The following GRID2 variants were observed in gnomAD, a reference collection of about 807,000 sequenced individuals.
GRID2 encodes glutamate receptor ionotropic, delta-2.
In GRID2, 33 loss-of-function variants were observed where a neutral mutation model predicts 114.8. The ratio of observed to expected loss-of-function variants is 0.29; its 90% confidence interval spans 0.22 to 0.38. The LOEUF (loss-of-function observed/expected upper bound fraction) is 0.38. Among genes scored for constraint, GRID2 ranks in the 10% least tolerant of loss-of-function variants. The pLI is 1.00. For missense variants in GRID2, 1,184 were observed against 1,257.7 expected (o/e 0.94, Z 0.89); for synonymous variants, 505 against 449.9 (o/e 1.12, Z -1.55).
chr4:93,696,633 A>C (rs1727044719), intron 14 of GRID2, among the ~76,000 whole-genome samples: 1 of 152,204 alleles, frequency 6.6e-6, no homozygotes, highest in African/African-American at 2.4e-5. Flanking sequence ...ATTGTTTTAA[A>C]GCATTAGCGA....
rs1268745559 is a variant in GRID2, at chr4:93,189,773, C to CACACA, written c.736-17631_736-17630insACACA. ...TAAACAACAACACCACCACACCACA[C>CACACA]CACACACACACACACACACACACAC... On this transcript the variant is annotated intron_variant, in intron 4 of 15. Coordinates refer to ENST00000282020, the MANE Select transcript of GRID2 (RefSeq NM_001510.4). 1.5e-3 allele frequency among the ~76,000 whole-genome samples: 206 copies of CACACA among 138,968 alleles called. 2 individuals carry two copies. The highest frequency in any genetic ancestry group is 5.4e-3 in the African/African-American group (202 of 37,190). The allele number at this position is 138,968 out of a possible 152,430, so 91.2% of individuals were successfully genotyped here. A position where few individuals can be genotyped will look rare whatever the true frequency, so the allele number is the denominator to read the frequency against.
intron 2 of GRID2, chr4:92,822,518 T>C (rs1336414889): frequency 5.6e-6 from 2 of 354,950 alleles, no homozygotes; most frequent in Non-Finnish European, 1.1e-5. Context: ...TATTTGTATA[T>C]ACTCAGGGTT....
chr4:92,386,120 G>A (rs995226014), intron 1 of GRID2, among the ~76,000 whole-genome samples: 2 of 151,526 alleles, frequency 1.3e-5, no homozygotes, highest in Non-Finnish European at 3.0e-5. Context: ...ACTCTACAAT[G>A]TAGTAACATT....
chr4:93,144,211 A>G (rs747160635), intron 4 of GRID2, among the ~76,000 whole-genome samples: 1 of 152,174 alleles, frequency 6.6e-6, no homozygotes, highest in Non-Finnish European at 1.5e-5. Flanking sequence ...AAGAGACTCA[A>G]GATGATGGAG....
intron 2 of GRID2, among the ~76,000 whole-genome samples, chr4:92,903,899 G>C (rs80297991): frequency 6.6e-6 from 1 of 151,916 alleles, no homozygotes; most frequent in African/African-American, 2.4e-5. Flanking sequence ...CAATGGGAGG[G>C]TGTTGGAGAG....
At chr4:93,093,662 G>A (rs1171630782) in intron 3 of GRID2, among the ~76,000 whole-genome samples, 1 of 151,860 alleles carries the variant, frequency 6.6e-6, no homozygotes, top group African/African-American at 2.4e-5. Flanking sequence ...CCAAATAGTT[G>A]AATCTGAGCA....
intron 8 of GRID2, among the ~76,000 whole-genome samples, chr4:93,370,178 T>C (rs1049154332): frequency 6.6e-6 from 1 of 151,988 alleles, no homozygotes; most frequent in Non-Finnish European, 1.5e-5. Flanking sequence ...ATACAAACAG[T>C]AGATACACAT....
chr4:93,330,819 A>C (rs1456239938), intron 8 of GRID2, among the ~76,000 whole-genome samples: 2 of 152,076 alleles, frequency 1.3e-5, no homozygotes, highest in Admixed American at 1.3e-4. Context: ...TTTCTTCTCA[A>C]ATCTTCTAAT....
chr4:93,171,907 G>A (rs1156820285), intron 4 of GRID2, among the ~76,000 whole-genome samples: 4 of 152,154 alleles, frequency 2.6e-5, no homozygotes, highest in Admixed American at 1.3e-4. Context: ...TGTTAGTAAA[G>A]AGATTCAAAG....
intron 8 of GRID2, among the ~76,000 whole-genome samples, chr4:93,376,786 A>C (rs2149301673): frequency 6.6e-6 from 1 of 152,310 alleles, no homozygotes; most frequent in African/African-American, 2.4e-5. Context: ...ACATGGACAC[A>C]GAAAGGGGAA....
At chr4:92,429,780 T>C (rs1324497638) in intron 1 of GRID2, among the ~76,000 whole-genome samples, 1 of 152,212 alleles carries the variant, frequency 6.6e-6, no homozygotes, top group Non-Finnish European at 1.5e-5. Context: ...GCCTGTCTTT[T>C]GGATATAAGC....
chr4:92,907,927 G>A (rs1748081171), intron 2 of GRID2, among the ~76,000 whole-genome samples: 1 of 152,072 alleles, frequency 6.6e-6, no homozygotes, highest in Admixed American at 6.6e-5. Context: ...GGAGGCTGAG[G>A]CAGGAGAATC....
intron 8 of GRID2, among the ~76,000 whole-genome samples, chr4:93,295,251 G>A (rs763836198): frequency 6.6e-6 from 1 of 152,090 alleles, no homozygotes; most frequent in African/African-American, 2.4e-5. Flanking sequence ...GAGTGAAATC[G>A]AGAAAAACGA....
chr4:92,455,684 A>T (rs1451908833), intron 1 of GRID2, among the ~76,000 whole-genome samples: 1 of 152,178 alleles, frequency 6.6e-6, no homozygotes, highest in Non-Finnish European at 1.5e-5. Context: ...GGAAAGCAGT[A>T]CCGGAGTGGT....
intron 2 of GRID2, among the ~76,000 whole-genome samples, chr4:92,951,710 A>AT (rs1752055016): frequency 6.6e-6 from 1 of 152,192 alleles, no homozygotes; most frequent in Non-Finnish European, 1.5e-5. Context: ...TTAGTTTTGC[A>AT]CCAAACTGTG....
chr4:93,706,029 A>C (rs1020059336), intron 14 of GRID2, among the ~76,000 whole-genome samples: 1 of 152,078 alleles, frequency 6.6e-6, no homozygotes, highest in Non-Finnish European at 1.5e-5. Flanking sequence ...ATTCTGTACC[A>C]TTAGTCTATG....
chr4:92,985,006 A>C (rs1028426176), intron 2 of GRID2, among the ~76,000 whole-genome samples: 16 of 151,838 alleles, frequency 1.1e-4, no homozygotes, highest in Non-Finnish European at 1.5e-4. Flanking sequence ...GTTTTTCTTT[A>C]CTGTAACACT....
At chr4:92,652,158 A>AT (rs1731966061) in intron 2 of GRID2, among the ~76,000 whole-genome samples, 2 of 152,006 alleles carry the variant, frequency 1.3e-5, no homozygotes, top group South Asian at 4.2e-4. Context: ...AACAAGATGG[A>AT]TTTTCCCCTG....
At chr4:92,900,108 A>G (rs1416864049) in intron 2 of GRID2, among the ~76,000 whole-genome samples, 1 of 152,182 alleles carries the variant, frequency 6.6e-6, no homozygotes, top group Admixed American at 6.5e-5. Flanking sequence ...TAGGAATACA[A>G]TATGAAAGGT....
Sources: gnomAD v4.1 joint callset for allele counts (sites outside exome capture counted in the v4.1 genomes callset) on GRCh38, gnomAD v4.1.1 for gene constraint, MANE v1.5 for transcripts, NCBI Gene and HGNC (gene_info 2026-07-23, HGNC 2026-07-21) for gene names.